The following ZNF420 variants were observed in gnomAD, a reference collection of about 807,000 sequenced individuals.
ZNF420 encodes the protein zinc finger protein 420, also known as ATM and p53-associated KZNF protein.
In ZNF420, 31 loss-of-function variants were observed where a neutral mutation model predicts 44.7. The ratio of observed to expected loss-of-function variants is 0.69; its 90% CI spans 0.52 to 0.94. ZNF420 has a LOEUF of 0.94. Ranked by LOEUF, ZNF420 falls within the 40% of genes least tolerant of loss-of-function variation. The pLI is 0.00. For missense variants in ZNF420, 681 were observed against 827.9 expected (o/e 0.82, Z 2.18); for synonymous variants, 245 against 267.4 (o/e 0.92, Z 0.82).
intron 1 of ZNF420, among the ~76,000 whole-genome samples, chr19:37,060,922 T>G (rs1237130266): frequency 2.0e-5 from 3 of 152,042 alleles, no homozygotes; most frequent in Admixed American, 1.3e-4. Flanking sequence ...GGAGGTTGCG[T>G]CAGGGCTACC....
At chr19:37,121,875 C>A (rs1051893256) in intron 4 of ZNF420, among the ~76,000 whole-genome samples, 1 of 152,220 alleles carries the variant, frequency 6.6e-6, no homozygotes, top group Non-Finnish European at 1.5e-5. Context: ...AAATGCTCAT[C>A]ATCACTGGCC....
intron 1 of ZNF420, among the ~76,000 whole-genome samples, chr19:37,045,267 T>C (rs903811855): frequency 6.6e-6 from 1 of 152,238 alleles, no homozygotes; most frequent in South Asian, 2.1e-4. Context: ...ATGTTAACAA[T>C]ATACTATTTT....
chr19:37,079,746 G>A (rs1417111678), intron 1 of ZNF420, among the ~76,000 whole-genome samples: 3 of 152,116 alleles, frequency 2.0e-5, no homozygotes, highest in South Asian at 2.1e-4. Flanking sequence ...GATGCTGTGC[G>A]CGGTGGCTCA....
Position 37,128,459 on chromosome 19 carries a change from C to A in ZNF420, c.1468C>A (p.Leu490Ile). The change falls in exon 5 of 5, where the codon CTT becomes ATT. Residue 490 changes from leucine (L) to isoleucine (I), a missense_variant. This residue lies in a region of ZNF420 where 280 missense variants were observed against 338.6 expected (regional missense o/e 0.83). Coordinates refer to ENST00000337995, the MANE Select transcript of ZNF420 (RefSeq NM_144689.5). ...CGKSFIRGSQ[L>I]TQHQRIHTGE... ...GAAATCTTTTATTCGTGGTTCCCAG[C>A]TTACTCAACATCAGAGAATCCATAC... 6.2e-7 allele frequency: 1 copy of A among 1,614,046 alleles called. No individual in the cohort carries two copies. The highest frequency in any genetic ancestry group is 1.7e-5 in the Admixed American group (1 of 60,014).
chr19:37,125,570 G>T (rs1971300370), intron 4 of ZNF420, among the ~76,000 whole-genome samples: 1 of 152,116 alleles, frequency 6.6e-6, no homozygotes, highest in South Asian at 2.1e-4. Context: ...TATGACGGTG[G>T]GTGGATACAT....
At chr19:37,019,222 A>G (rs1460603377) in intron 1 of ZNF420, among the ~76,000 whole-genome samples, 1 of 152,216 alleles carries the variant, frequency 6.6e-6, no homozygotes, top group Non-Finnish European at 1.5e-5. Flanking sequence ...TCTACTAAAA[A>G]TACAAAAATT....
At chr19:37,115,569 C>T (rs1020767580) in intron 4 of ZNF420, among the ~76,000 whole-genome samples, 3 of 152,046 alleles carry the variant, frequency 2.0e-5, no homozygotes, top group East Asian at 1.9e-4. Context: ...GCTGCTAGCA[C>T]GTCTCACCTC....
At chr19:37,054,404 G>T (rs1242158313) in intron 1 of ZNF420, among the ~76,000 whole-genome samples, 3 of 152,192 alleles carry the variant, frequency 2.0e-5, no homozygotes, top group Non-Finnish European at 4.4e-5. Context: ...AGATGAGCCT[G>T]GTATCTCAGT....
intron 1 of ZNF420, among the ~76,000 whole-genome samples, chr19:37,057,638 C>T (rs1387973812): frequency 6.6e-6 from 1 of 151,950 alleles, no homozygotes; most frequent in Non-Finnish European, 1.5e-5. Flanking sequence ...GTCATGTGGC[C>T]GGTTGTCAAT....
upstream of ZNF420, among the ~76,000 whole-genome samples, chr19:37,075,878 G>T (rs1968138303): frequency 6.6e-6 from 1 of 151,854 alleles, no homozygotes; most frequent in South Asian, 2.1e-4. Flanking sequence ...CTCCCTAAAG[G>T]TTACCATTAG....
intron 1 of ZNF420, among the ~76,000 whole-genome samples, chr19:37,025,770 CTTTT>C (rs67671586): frequency 0.34 from 43,986 of 129,282 alleles, 7,186 homozygotes; most frequent in Non-Finnish European, 0.37. Context: ...TTAAACCTGT[CTTTT>C]TTTTTTTTTT....
At chr19:37,083,648 T>C (rs893921229) in intron 2 of ZNF420, among the ~76,000 whole-genome samples, 3 of 152,214 alleles carry the variant, frequency 2.0e-5, no homozygotes, top group African/African-American at 7.2e-5. Context: ...TGGATTCCTT[T>C]TTATTCTTTT....
intron 1 of ZNF420, among the ~76,000 whole-genome samples, chr19:37,044,351 T>G (rs972954838): frequency 6.6e-6 from 1 of 152,092 alleles, no homozygotes; most frequent in Non-Finnish European, 1.5e-5. Context: ...ACATTATCTT[T>G]GTAAAAACAA....
chr19:37,095,711 A>G (rs528700674), intron 4 of ZNF420, among the ~76,000 whole-genome samples: 3 of 151,670 alleles, frequency 2.0e-5, no homozygotes, highest in Admixed American at 6.6e-5. Context: ...CGATTCTCCT[A>G]CTTCAGCCTC....
chr19:37,076,817 AG>A (rs573287064), upstream of ZNF420, among the ~76,000 whole-genome samples: 4 of 152,206 alleles, frequency 2.6e-5, no homozygotes, highest in South Asian at 8.3e-4. Context: ...TATCGTGAAT[AG>A]TGCCGCAATA....
chr19:37,019,281 C>A (rs1200230048), intron 1 of ZNF420, among the ~76,000 whole-genome samples: 1 of 152,132 alleles, frequency 6.6e-6, no homozygotes, highest in Non-Finnish European at 1.5e-5. Flanking sequence ...AAAAGATACT[C>A]ACCACACTAA....
intron 1 of ZNF420, among the ~76,000 whole-genome samples, chr19:37,016,095 G>A (rs993564922): frequency 6.6e-5 from 10 of 152,204 alleles, no homozygotes; most frequent in African/African-American, 2.2e-4. Context: ...GTGGGTGCTC[G>A]TAGCTCCCAC....
intron 1 of ZNF420, among the ~76,000 whole-genome samples, chr19:37,072,496 G>C (rs1452005165): frequency 2.0e-5 from 3 of 152,198 alleles, no homozygotes; most frequent in Non-Finnish European, 4.4e-5. Context: ...TCCTTCCCTA[G>C]CCAGATAGAT....
At chr19:37,104,981 G>A (rs1217560494) in intron 4 of ZNF420, among the ~76,000 whole-genome samples, 8 of 152,108 alleles carry the variant, frequency 5.3e-5, no homozygotes, top group Admixed American at 1.3e-4. Flanking sequence ...TTCTTTTGCT[G>A]TGCAGAAGCT....
Sources: gnomAD v4.1 joint callset for allele counts (sites outside exome capture counted in the v4.1 genomes callset) on GRCh38, gnomAD v4.1.1 for gene constraint, gnomAD v4.1.1 regional missense constraint, MANE v1.5 for transcripts, NCBI Gene and HGNC (gene_info 2026-07-23, HGNC 2026-07-21) for gene names.